The following NEDD9 variants were observed in gnomAD, a reference collection of about 807,000 sequenced individuals.
NEDD9 encodes the protein neural precursor cell expressed, developmentally down-regulated 9, also known as enhancer of filamentation 1.
In NEDD9, 26 loss-of-function variants were observed where a neutral mutation model predicts 76.6. The ratio of observed to expected loss-of-function variants is 0.34; its 90% CI spans 0.25 to 0.47. NEDD9 has a LOEUF of 0.47. Ranked by LOEUF, NEDD9 falls within the 20% of genes least tolerant of loss-of-function variation. NEDD9 has a pLI of 1.00. For synonymous variants in NEDD9, 392 were observed against 414.2 expected (o/e 0.95, Z 0.65); for missense variants, 937 against 1,058.5 (o/e 0.89, Z 1.59).
intron 2 of NEDD9, among the ~76,000 whole-genome samples, chr6:11,212,859 T>G (rs1290836407): frequency 2.0e-5 from 3 of 152,260 alleles, no homozygotes; most frequent in Non-Finnish European, 2.9e-5. Flanking sequence ...AGGTCATGAT[T>G]CAGCTTTTGG....
At chr6:11,310,517 C>T (rs1044877615) in intron 2 of NEDD9, among the ~76,000 whole-genome samples, 6 of 152,214 alleles carry the variant, frequency 3.9e-5, no homozygotes, top group Non-Finnish European at 2.9e-5. Context: ...GATGGTGCCA[C>T]TGCAACCTCA....
At chr6:11,302,478 TC>T (rs1012804063) in intron 3 of NEDD9, among the ~76,000 whole-genome samples, 2 of 152,048 alleles carry the variant, frequency 1.3e-5, no homozygotes, top group African/African-American at 4.8e-5. Flanking sequence ...ACTATTTCAA[TC>T]AATAGAAAAA....
intron 2 of NEDD9, among the ~76,000 whole-genome samples, chr6:11,310,480 A>T (rs947843597): frequency 6.6e-6 from 1 of 152,172 alleles, no homozygotes; most frequent in African/African-American, 2.4e-5. Context: ...GCTATTGAGC[A>T]TGGCTGGCAA....
chr6:11,213,657 T>A lies in NEDD9; in HGVS notation c.83A>T (p.Asp28Val). 6.2e-7 allele frequency: 1 copy of A among 1,614,086 alleles called. No homozygotes were observed. The highest frequency in any genetic ancestry group is 8.5e-7 in the Non-Finnish European group (1 of 1,180,030). ...CAEELAFRKG[D>V]ILTVIEQNTG... The stretch of plus-strand genomic sequence containing the variant: ...GTTCTGCTCTATGACGGTCAGGATG[T>A]CTCCCTTGCGAAAGGCCAGTTCCTC... Residue 28 changes from aspartate (D) to valine (V), a missense_variant, in exon 2 of 7, where the codon GAC (aspartate) becomes GTC (valine). Asp to Val is a radical substitution (Grantham distance 152, BLOSUM62 -3). Transcript: ENST00000379446. This position sits in a 1 kb window ranked among gnomAD's most constrained non-coding sequence, Gnocchi z 5.4.
intron 3 of NEDD9, among the ~76,000 whole-genome samples, chr6:11,247,779 C>A (rs1759837409): frequency 6.6e-6 from 1 of 152,164 alleles, no homozygotes; most frequent in Non-Finnish European, 1.5e-5. Flanking sequence ...CGCATGAACA[C>A]ATGTATACAT....
At chr6:11,306,634 G>T (rs979889915) in intron 2 of NEDD9, among the ~76,000 whole-genome samples, 4 of 152,122 alleles carry the variant, frequency 2.6e-5, no homozygotes, top group African/African-American at 9.7e-5. Context: ...TCCCATCCCT[G>T]AGGCCCCACC....
chr6:11,307,902 G>A (rs1007795101), intron 2 of NEDD9, among the ~76,000 whole-genome samples: 1 of 151,988 alleles, frequency 6.6e-6, no homozygotes, highest in Non-Finnish European at 1.5e-5. Context: ...TTGGGCTTCT[G>A]GCTGTCCTCC....
At chr6:11,223,853 G>GA (rs1017853009) in intron 1 of NEDD9, among the ~76,000 whole-genome samples, 22 of 151,296 alleles carry the variant, frequency 1.5e-4, no homozygotes, top group Admixed American at 7.9e-4. Flanking sequence ...ACAAGTCAAT[G>GA]AAAAAAAAAG....
At chr6:11,255,432 T>G (rs375432350) in intron 3 of NEDD9, among the ~76,000 whole-genome samples, 1 of 152,186 alleles carries the variant, frequency 6.6e-6, no homozygotes, top group South Asian at 2.1e-4. Flanking sequence ...TGAGGCATGA[T>G]CTGGTGAGGG....
chr6:11,248,685 A>G (rs1759856867), intron 3 of NEDD9, among the ~76,000 whole-genome samples: 1 of 152,176 alleles, frequency 6.6e-6, no homozygotes, highest in African/African-American at 2.4e-5. Context: ...CACGTCCCCA[A>G]GGCCAGGCCC....
chr6:11,224,115 G>A (rs1051324347), intron 1 of NEDD9, among the ~76,000 whole-genome samples: 5 of 152,180 alleles, frequency 3.3e-5, no homozygotes, highest in African/African-American at 4.8e-5. Context: ...CAACAACAAA[G>A]GATGGGAATG....
chr6:11,291,267 G>GTTTTTTTTTTTTTT lies in NEDD9; in HGVS notation c.12+14711_12+14724dup, dbSNP rs869185428. On this transcript the variant is annotated intron_variant, in intron 3 of 3. Coordinates refer to the NEDD9 transcript ENST00000397378. ...GAGCACAGGGCAGAAATAGAATGAG[G>GTTTTTTTTTTTTTT]TTTTTTTTTTTTTTTTTTTTTTTTT... Among the ~76,000 whole-genome samples, 111 of 95,828 alleles carry GTTTTTTTTTTTTTT rather than the reference G, an allele frequency of 1.2e-3. 6 individuals carry two copies. Among genetic ancestry groups the GTTTTTTTTTTTTTT allele is most frequent in the East Asian group, 4.6e-3 (14 of 3,024 alleles). 62.9% of individuals were successfully genotyped at this position (95,828 alleles called of 152,430 possible).
At chr6:11,226,255 G>T (rs1037927383) in intron 1 of NEDD9, among the ~76,000 whole-genome samples, 57 of 151,504 alleles carry the variant, frequency 3.8e-4, no homozygotes, top group Middle Eastern at 3.4e-3. Flanking sequence ...TATAAACAGG[G>T]TTTTTTTTTG....
chr6:11,308,361 C>CTTTT (rs933892327), intron 2 of NEDD9, among the ~76,000 whole-genome samples: 23 of 87,852 alleles, frequency 2.6e-4, no homozygotes, highest in Non-Finnish European at 3.6e-4. Context: ...GATGGGACAT[C>CTTTT]TTTTTTTTTT....
At chr6:11,276,024 ACAT>A (rs1252665351) in intron 3 of NEDD9, among the ~76,000 whole-genome samples, 1 of 152,236 alleles carries the variant, frequency 6.6e-6, no homozygotes, top group Admixed American at 6.5e-5. Flanking sequence ...TCATCTCAAG[ACAT>A]CATTAGATAC....
intron 3 of NEDD9, among the ~76,000 whole-genome samples, chr6:11,267,350 T>C (rs1208145181): frequency 1.3e-5 from 2 of 151,522 alleles, no homozygotes; most frequent in Non-Finnish European, 2.9e-5. Flanking sequence ...ACTGAATTCT[T>C]GGTCTGAAGC....
chr6:11,355,972 T>C (rs372551709), intron 1 of NEDD9, among the ~76,000 whole-genome samples: 2,569 of 152,096 alleles, frequency 0.017, 66 homozygotes, highest in East Asian at 0.06. Flanking sequence ...CTGCCCACCT[T>C]GGCCTCCCAA....
intron 1 of NEDD9, among the ~76,000 whole-genome samples, chr6:11,215,556 G>A (rs949303161): frequency 1.3e-5 from 2 of 152,156 alleles, no homozygotes; most frequent in Non-Finnish European, 2.9e-5. Context: ...TATTTTACAA[G>A]AGAAGTCATA....
rs532749868 is a variant in NEDD9, at chr6:11,314,015, T to G, written c.-152-7860A>C. ...AAAATCCTGATTTAATAAAATTTAT[T>G]TTTTTCTAGTAAAGGAACTTGTTAT... On this transcript the variant is annotated intron_variant, in intron 2 of 3. Transcript: ENST00000397378. 1.1e-4 allele frequency among the ~76,000 whole-genome samples: 17 copies of G among 152,336 alleles called. No homozygotes were observed. In the South Asian group the frequency reaches 3.3e-3, roughly 30 times the overall value.
Sources: gnomAD v4.1 joint callset for allele counts (sites outside exome capture counted in the v4.1 genomes callset) on GRCh38, gnomAD v4.1.1 for gene constraint, Gnocchi (gnomAD v3.1) non-coding constraint, MANE v1.5 for transcripts, NCBI Gene and HGNC (gene_info 2026-07-23, HGNC 2026-07-21) for gene names.